Variants in FAF1 observed in about 807,000 individuals in gnomAD.
FAF1 encodes FAS-associated factor 1.
FAF1 carries 25 observed loss-of-function variants against 92.5 expected under a neutral mutation model. That is an observed-to-expected ratio of 0.27 (90% confidence interval 0.20 to 0.38). The LOEUF (loss-of-function observed/expected upper bound fraction) is 0.38, where lower values mean the gene tolerates loss of function less well. FAF1 is among the 10% of genes least tolerant of loss of function. FAF1 has a pLI of 1.00. For synonymous variants in FAF1, 234 were observed against 273.2 expected (o/e 0.86, Z 1.42); for missense variants, 636 against 793.3 (o/e 0.80, Z 2.38).
intron 5 of FAF1, among the ~76,000 whole-genome samples, chr1:50,740,494 T>C (rs919393590): frequency 6.6e-6 from 1 of 152,178 alleles, no homozygotes; most frequent in Non-Finnish European, 1.5e-5. Flanking sequence ...TACTCTTGAC[T>C]CATATTAGTT....
chr1:50,538,398 TTTTTC>T (rs1648594169), intron 14 of FAF1, among the ~76,000 whole-genome samples: 1 of 152,074 alleles, frequency 6.6e-6, no homozygotes, highest in African/African-American at 2.4e-5. Flanking sequence ...TTCTTAAGGC[TTTTTC>T]TTTTCTTTTT....
chr1:50,780,271 T>G (rs1033179111), intron 4 of FAF1: 1 of 152,534 alleles, frequency 6.6e-6, no homozygotes, highest in Non-Finnish European at 1.5e-5. Context: ...GATACCCCAA[T>G]GTATAGCTGG....
chr1:50,645,393 A>G (rs1212848478), intron 8 of FAF1, among the ~76,000 whole-genome samples: 1 of 152,240 alleles, frequency 6.6e-6, no homozygotes, highest in Non-Finnish European at 1.5e-5. Flanking sequence ...AATGCCAGAC[A>G]TTACACCAGG....
chr1:50,519,876 C>T (rs1170292156), intron 15 of FAF1, among the ~76,000 whole-genome samples: 2 of 152,184 alleles, frequency 1.3e-5, no homozygotes, highest in Admixed American at 6.5e-5. Context: ...TGAGGCCTAA[C>T]TCTGCTAGGC....
Position 50,809,086 on chromosome 1 carries a change from T to C in FAF1, c.115-7409A>G, listed in dbSNP as rs138216279. 3.9e-5 allele frequency among the ~76,000 whole-genome samples: 6 copies of C among 152,144 alleles called. No homozygotes were observed. In the East Asian group the frequency reaches 1.2e-3, roughly 29 times the overall value. The stretch of plus-strand genomic sequence containing the variant: ...ACATTATTAGACAGATCATCAAAGA[T>C]ACAATATATCAGAAACTCTGGGACA... On this transcript the variant is annotated intron_variant, in intron 2 of 18. Transcript: ENST00000396153.
rs774729432 is a variant in FAF1, at chr1:50,584,721, CAAA to C, written c.928_930del (p.Phe310del). The C allele has an allele frequency of 6.2e-7, 1 of 1,613,508 alleles. No homozygotes were observed. Among genetic ancestry groups the C allele is most frequent in the East Asian group, 2.2e-5 (1 of 44,856 alleles). The stretch of plus-strand genomic sequence containing the variant: ...TTTCTCAAGGCAGATGACGCCATGC[CAAA>C]TACTTCTCCATCATCCACCCCAAAT... On this transcript the variant is annotated inframe_deletion, in exon 10 of 19. Transcript: ENST00000396153.
intron 2 of FAF1, among the ~76,000 whole-genome samples, chr1:50,802,342 G>A (rs990489378): frequency 5.9e-5 from 9 of 152,012 alleles, no homozygotes; most frequent in Non-Finnish European, 1.0e-4. Context: ...CACCCGCCTC[G>A]GCCTCCCAAA....
At chr1:50,601,674 A>G (rs548393878) in intron 8 of FAF1, among the ~76,000 whole-genome samples, 1 of 151,874 alleles carries the variant, frequency 6.6e-6, no homozygotes, top group East Asian at 1.9e-4. Flanking sequence ...ACTCAGTCTC[A>G]AACAATACAT....
At chr1:50,640,164 G>A (rs1218073117) in intron 8 of FAF1, among the ~76,000 whole-genome samples, 1 of 151,976 alleles carries the variant, frequency 6.6e-6, no homozygotes, top group Non-Finnish European at 1.5e-5. Context: ...ACCAATTTTG[G>A]TATAAATGTA....
At chr1:50,670,481 C>A (rs1655825487) in intron 7 of FAF1, among the ~76,000 whole-genome samples, 1 of 152,096 alleles carries the variant, frequency 6.6e-6, no homozygotes, top group South Asian at 2.1e-4. Context: ...TATAGAGCAA[C>A]ATAAAAACAG....
At chr1:50,668,310 A>G (rs1655720106) in intron 7 of FAF1, among the ~76,000 whole-genome samples, 1 of 152,206 alleles carries the variant, frequency 6.6e-6, no homozygotes, top group African/African-American at 2.4e-5. Flanking sequence ...AAGACAACCT[A>G]CTTAACCTCT....
At position 50,473,198 on chromosome 1, in the gene FAF1, C is replaced by T. The variant is rs185864720; in HGVS notation, c.1869+2266G>A. Among the ~76,000 whole-genome samples the T allele has an allele frequency of 8.2e-4, 125 of 152,248 alleles. 1 individual carries two copies. The highest frequency in any genetic ancestry group is 3.4e-3 in the Middle Eastern group (1 of 294). On this transcript the variant is annotated intron_variant, in intron 18 of 18. Transcript: ENST00000396153. ...CATTTCCCCAGTTTCCTTTCAACAG[C>T]AACTTTCCACAGTCCAGAGTTTTAC...
intron 6 of FAF1, among the ~76,000 whole-genome samples, chr1:50,719,964 C>T (rs1005044047): frequency 2.6e-5 from 4 of 151,180 alleles, no homozygotes; most frequent in Admixed American, 2.6e-4. Flanking sequence ...GAGTGCATAA[C>T]TTTTGGGAAA....
intron 2 of FAF1, among the ~76,000 whole-genome samples, chr1:50,837,035 G>A (rs1376991759): frequency 7.5e-6 from 1 of 133,278 alleles, no homozygotes; most frequent in Non-Finnish European, 1.5e-5. Context: ...TCGGCTCACT[G>A]CAAGCTCTGC....
At chr1:50,718,012 T>C (rs1439540098) in intron 6 of FAF1, among the ~76,000 whole-genome samples, 1 of 150,412 alleles carries the variant, frequency 6.6e-6, no homozygotes, top group African/African-American at 2.4e-5. Context: ...TATTTATTTA[T>C]TTATTTATTT....
chr1:50,526,891 T>C (rs1198540117), intron 15 of FAF1, among the ~76,000 whole-genome samples: 1 of 151,962 alleles, frequency 6.6e-6, no homozygotes, highest in East Asian at 1.9e-4. Flanking sequence ...AGACTTGCTC[T>C]GTTGCCCAGC....
chr1:50,858,072 T>G, intron 1 of FAF1, 75 bp from the exon 2 acceptor site: 1 of 975,092 alleles, frequency 1.0e-6, no homozygotes. Flanking sequence ...AAAATGTAAA[T>G]AGCATAATAT....
intron 17 of FAF1, among the ~76,000 whole-genome samples, chr1:50,484,835 A>C (rs935137903): frequency 2.0e-5 from 3 of 151,956 alleles, no homozygotes; most frequent in African/African-American, 7.3e-5. Flanking sequence ...GCTTAAAAAT[A>C]TCTTTTTAAA....
intron 7 of FAF1, among the ~76,000 whole-genome samples, chr1:50,661,759 T>C (rs1250345924): frequency 6.6e-6 from 1 of 152,074 alleles, no homozygotes; most frequent in East Asian, 1.9e-4. Context: ...TAGCAATCAC[T>C]GGCACTCTGA....
Sources: allele counts gnomAD v4.1 joint callset (sites outside exome capture counted in the v4.1 genomes callset), GRCh38; gene constraint gnomAD v4.1.1; transcripts MANE v1.5; gene names NCBI Gene and HGNC (gene_info 2026-07-23, HGNC 2026-07-21).